NEDD9: variants seen among roughly 807,000 people sequenced by gnomAD.
NEDD9 encodes neural precursor cell expressed, developmentally down-regulated 9, also known as enhancer of filamentation 1.
NEDD9 carries 26 observed loss-of-function variants against 76.6 expected under a neutral mutation model. The ratio of observed to expected loss-of-function variants is 0.34; its 90% CI spans 0.25 to 0.47. The LOEUF is 0.47. NEDD9 is among the 20% of genes least tolerant of loss of function. NEDD9 has a pLI of 1.00. For synonymous variants in NEDD9, 392 were observed against 414.2 expected (o/e 0.95, Z 0.65); for missense variants, 937 against 1,058.5 (o/e 0.89, Z 1.59).
At chr6:11,202,267 C>T (rs928056406) in intron 2 of NEDD9, among the ~76,000 whole-genome samples, 1 of 152,162 alleles carries the variant, frequency 6.6e-6, no homozygotes, top group African/African-American at 2.4e-5. Context: ...TATTATCTCT[C>T]TTTGCGTTTC....
rs869185428 is a variant in NEDD9, at chr6:11,291,267, G to GTTTTTTTTTTTTTTTTTTTTTTTTTT, written c.12+14724_12+14725insAAAAAAAAAAAAAAAAAAAAAAAAAA. Among the ~76,000 whole-genome samples the GTTTTTTTTTTTTTTTTTTTTTTTTTT allele has an allele frequency of 5.2e-5, 5 of 95,830 alleles. 1 individual carries two copies. Among genetic ancestry groups the GTTTTTTTTTTTTTTTTTTTTTTTTTT allele is most frequent in the African/African-American group, 2.0e-4 (4 of 19,824 alleles). 62.9% of individuals were successfully genotyped at this position (95,830 alleles called of 152,430 possible). A position where few individuals can be genotyped will look rare whatever the true frequency, so the allele number is the denominator to read the frequency against. ...GAGCACAGGGCAGAAATAGAATGAG[G>GTTTTTTTTTTTTTTTTTTTTTTTTTT]TTTTTTTTTTTTTTTTTTTTTTTTT... On this transcript the variant is annotated intron_variant, in intron 3 of 3. Transcript: ENST00000397378.
chr6:11,206,061 G>C (rs1366338905), intron 2 of NEDD9, among the ~76,000 whole-genome samples: 1 of 152,232 alleles, frequency 6.6e-6, no homozygotes. Flanking sequence ...AAGTGCTTTT[G>C]ATTGCTGACA....
chr6:11,375,834 CT>C (rs61390788), intron 1 of NEDD9, among the ~76,000 whole-genome samples: 10,520 of 151,858 alleles, frequency 0.069, 404 homozygotes, highest in Non-Finnish European at 0.071. Context: ...TTTTTTCTTT[CT>C]TTTTTTTGAG....
At chr6:11,318,682 T>G (rs896023431) in intron 2 of NEDD9, among the ~76,000 whole-genome samples, 2 of 150,014 alleles carry the variant, frequency 1.3e-5, no homozygotes, top group Non-Finnish European at 3.0e-5. Flanking sequence ...ATTTTGTCTT[T>G]AAGTTAAAAA....
intron 1 of NEDD9, among the ~76,000 whole-genome samples, chr6:11,373,644 A>G (rs2113573112): frequency 6.6e-6 from 1 of 152,360 alleles, no homozygotes; most frequent in South Asian, 2.1e-4. Context: ...CAGATGTTCA[A>G]TAAATATTAA....
Position 11,213,876 on chromosome 6 carries a change from G to C in NEDD9, c.13-149C>G. The C allele has an allele frequency of 1.4e-6, 1 of 715,206 alleles. No homozygotes were observed. Among genetic ancestry groups the C allele is most frequent in the South Asian group, 1.9e-5 (1 of 53,072 alleles). 44.3% of individuals were successfully genotyped at this position (715,206 alleles called of 1,614,324 possible). A position where few individuals can be genotyped will look rare whatever the true frequency, so the allele number is the denominator to read the frequency against. On this transcript the variant is annotated intron_variant, in intron 1 of 6. Coordinates refer to ENST00000379446, the MANE Select transcript of NEDD9 (RefSeq NM_006403.4). The surrounding 1 kb of genome is among the most constrained non-coding windows in gnomAD (Gnocchi z 5.4). ...TAGACTGTAAGGAGAAAAACAGATG[G>C]TGCAGACAAAAGACAGATACATATA...
At chr6:11,341,767 A>G (rs1762277421) in intron 1 of NEDD9, among the ~76,000 whole-genome samples, 1 of 152,236 alleles carries the variant, frequency 6.6e-6, no homozygotes, top group African/African-American at 2.4e-5. Flanking sequence ...CCAGTATTCA[A>G]TGATAAATCA....
intron 3 of NEDD9, among the ~76,000 whole-genome samples, chr6:11,260,946 C>T (rs1315725650): frequency 1.3e-5 from 2 of 151,846 alleles, no homozygotes; most frequent in African/African-American, 2.4e-5. Context: ...TCCTGGGATT[C>T]ATGCTCCATA....
intron 2 of NEDD9, among the ~76,000 whole-genome samples, chr6:11,324,442 G>C (rs961838048): frequency 1.3e-5 from 2 of 152,136 alleles, no homozygotes; most frequent in Non-Finnish European, 2.9e-5. Flanking sequence ...TTCATGCATG[G>C]TGCCACCCCA....
chr6:11,346,384 A>C (rs1422526231), intron 1 of NEDD9, among the ~76,000 whole-genome samples: 5 of 152,148 alleles, frequency 3.3e-5, no homozygotes, highest in Non-Finnish European at 7.4e-5. Context: ...CAGTGCTAAC[A>C]GTTCAAGACC....
At chr6:11,195,963 C>T (rs1175189887) in intron 2 of NEDD9, among the ~76,000 whole-genome samples, 1 of 152,044 alleles carries the variant, frequency 6.6e-6, no homozygotes, top group Non-Finnish European at 1.5e-5. Flanking sequence ...CACTGCACTC[C>T]AGCCTAGGCA....
At chr6:11,325,431 C>T (rs1293438076) in intron 2 of NEDD9, among the ~76,000 whole-genome samples, 2 of 151,778 alleles carry the variant, frequency 1.3e-5, no homozygotes, top group Non-Finnish European at 2.9e-5. Context: ...GCATTTTCCA[C>T]TGTTCTGGTA....
At chr6:11,236,633 G>A (rs1759608062), upstream of NEDD9, among the ~76,000 whole-genome samples, 1 of 152,184 alleles carries the variant, frequency 6.6e-6, no homozygotes, top group African/African-American at 2.4e-5. This position sits in a 1 kb window ranked among gnomAD's most constrained non-coding sequence, Gnocchi z 5.5. Context: ...GGCCCCACCA[G>A]TTTGAGTTAT....
In NEDD9 at chr6:11,252,522, C is replaced by T. The variant is rs1033320198; in HGVS notation, c.13-38795G>A. Among the ~76,000 whole-genome samples, 1 of 152,214 alleles carries T rather than the reference C, an allele frequency of 6.6e-6. No homozygotes were observed. Among genetic ancestry groups the T allele is most frequent in the African/African-American group, 2.4e-5 (1 of 41,456 alleles). On this transcript the variant is annotated intron_variant, in intron 3 of 3. Coordinates refer to the NEDD9 transcript ENST00000397378. The surrounding 1 kb of genome is among the most constrained non-coding windows in gnomAD (Gnocchi z 4.3). ...ACACAGCCCACAGCTACCTCCCATG[C>T]CTCCTGGAAGCACCCCCTTCCATGG...
At chr6:11,196,847 G>A (rs1176279342) in intron 2 of NEDD9, among the ~76,000 whole-genome samples, 2 of 152,132 alleles carry the variant, frequency 1.3e-5, no homozygotes, top group Non-Finnish European at 2.9e-5. Context: ...ACGTGTGGAA[G>A]ATCAGGGAGC....
At chr6:11,346,302 T>C (rs1203559049) in intron 1 of NEDD9, among the ~76,000 whole-genome samples, 1 of 152,222 alleles carries the variant, frequency 6.6e-6, no homozygotes, top group Non-Finnish European at 1.5e-5. Flanking sequence ...ACTGATTCAG[T>C]ACATTCTCCC....
At chr6:11,327,429 C>A (rs1010066813) in intron 2 of NEDD9, among the ~76,000 whole-genome samples, 1 of 152,194 alleles carries the variant, frequency 6.6e-6, no homozygotes, top group Non-Finnish European at 1.5e-5. Flanking sequence ...TTTAATACAC[C>A]TGTGAGTCCT....
upstream of NEDD9, among the ~76,000 whole-genome samples, chr6:11,235,678 T>C (rs990571336): frequency 6.6e-6 from 1 of 152,184 alleles, no homozygotes; most frequent in African/African-American, 2.4e-5. This position sits in a 1 kb window ranked among gnomAD's most constrained non-coding sequence, Gnocchi z 4.1. Flanking sequence ...AGCAGAAATC[T>C]GAATAGTTTC....
upstream of NEDD9, chr6:11,232,703 G>T: frequency 6.9e-7 from 1 of 1,443,392 alleles, no homozygotes. Flanking sequence ...GGCTGATCGC[G>T]GACCTCATTT....
Sources: allele counts gnomAD v4.1 joint callset (sites outside exome capture counted in the v4.1 genomes callset), GRCh38; gene constraint gnomAD v4.1.1; non-coding constraint Gnocchi (gnomAD v3.1); transcripts MANE v1.5; gene names NCBI Gene and HGNC (gene_info 2026-07-23, HGNC 2026-07-21).